The following PDE3B variants were observed in gnomAD, a reference collection of about 807,000 sequenced individuals.
The protein encoded by PDE3B is cGMP-inhibited 3',5'-cyclic phosphodiesterase 3B.
A neutral mutation model predicts 116.8 loss-of-function variants in PDE3B; 66 were observed. The observed-to-expected ratio is 0.56, with a 90% CI of 0.46 to 0.69. The LOEUF (loss-of-function observed/expected upper bound fraction) is 0.69. PDE3B is among the 30% of genes least tolerant of loss of function. The pLI is 0.00. For missense variants in PDE3B, 1,384 were observed against 1,368.1 expected (o/e 1.01, Z -0.18); for synonymous variants, 595 against 533.6 (o/e 1.12, Z -1.59).
intron 1 of PDE3B, among the ~76,000 whole-genome samples, chr11:14,666,124 C>T (rs879712447): frequency 3.2e-4 from 47 of 148,804 alleles, no homozygotes; most frequent in Non-Finnish European, 4.4e-4. Flanking sequence ...TCAGAAATAA[C>T]GCCGCATATC....
In PDE3B at chr11:14,701,984, A is replaced by G. The variant is rs536371073; in HGVS notation, c.978+56931A>G. Among the ~76,000 whole-genome samples the G allele has an allele frequency of 2.3e-4, 34 of 151,108 alleles. 1 individual carries two copies. Among genetic ancestry groups the G allele is most frequent in the Non-Finnish European group, 8.9e-5 (6 of 67,536 alleles). ...TTTTTACTTTTTAATTTTTGGGGAAAAATTCATGTGTGTGTTTTTTTTTCT... is the reference window on the plus strand; with the variant it reads ...TTTTTACTTTTTAATTTTTGGGGAAGAATTCATGTGTGTGTTTTTTTTTCT... On this transcript the variant is annotated intron_variant, in intron 1 of 15. Transcript: ENST00000282096.
chr11:14,862,301 G>T lies in PDE3B; in HGVS notation c.2886+935G>T, dbSNP rs1847966139. Among the ~76,000 whole-genome samples the T allele has an allele frequency of 1.3e-5, 2 of 152,160 alleles. 1 individual carries two copies. The highest frequency in any genetic ancestry group is 4.1e-4 in the South Asian group (2 of 4,826). On this transcript the variant is annotated intron_variant, in intron 14 of 15. Coordinates refer to ENST00000282096, the MANE Select transcript of PDE3B (RefSeq NM_000922.4). ...TCTGCCTGACTACTTTCTATAACAAGTCTAGACTACATTATGATTCCAAGG... is the reference window on the plus strand; with the variant it reads ...TCTGCCTGACTACTTTCTATAACAATTCTAGACTACATTATGATTCCAAGG...
At chr11:14,645,176 C>A (rs1430141493) in intron 1 of PDE3B, 123 bp downstream of exon 1, 2 of 47,734 alleles carry the variant, frequency 4.2e-5, no homozygotes, top group African/African-American at 1.0e-4. Context: ...GGGTGTGTTG[C>A]GGGGGGGGGG....
chr11:14,830,928 C>A, intron 8 of PDE3B, 82 bp downstream of exon 8: 1 of 948,998 alleles, frequency 1.1e-6, no homozygotes, highest in Non-Finnish European at 1.4e-6. Context: ...TTGCCCAGAA[C>A]AAGATTTTTA....
intron 4 of PDE3B, among the ~76,000 whole-genome samples, chr11:14,796,135 C>A (rs921012134): frequency 7.0e-4 from 106 of 152,196 alleles, no homozygotes; most frequent in African/African-American, 2.3e-3. Flanking sequence ...GTTTGGTTTT[C>A]TGTTCTTGTG....
chr11:14,788,959 G>A (rs1858300919), intron 3 of PDE3B, 147 bp from the exon 4 acceptor site: 2 of 506,016 alleles, frequency 4.0e-6, no homozygotes, highest in Non-Finnish European at 6.6e-6. Context: ...GGAGTAAATT[G>A]ACAGATTTTC....
At chr11:14,715,157 G>A (rs1855839290) in intron 1 of PDE3B, among the ~76,000 whole-genome samples, 2 of 152,186 alleles carry the variant, frequency 1.3e-5, no homozygotes, top group Admixed American at 1.3e-4. Context: ...AATGAAGTGA[G>A]AAGAGAAGCA....
the PDE3B span, among the ~76,000 whole-genome samples, chr11:14,888,922 T>C: frequency 1.6e-4 from 25 of 152,332 alleles, no homozygotes; most frequent in Middle Eastern, 6.8e-3. Flanking sequence ...GGAATGCCTC[T>C]TGAAATCTAG....
chr11:14,863,335 C>T (rs533831290), intron 14 of PDE3B, among the ~76,000 whole-genome samples: 18 of 152,316 alleles, frequency 1.2e-4, no homozygotes, highest in Admixed American at 2.6e-4. Context: ...TATTTCTCCA[C>T]ATCCTCTCCA....
At chr11:14,736,562 A>C (rs1856606899) in intron 1 of PDE3B, among the ~76,000 whole-genome samples, 1 of 152,248 alleles carries the variant, frequency 6.6e-6, no homozygotes, top group Non-Finnish European at 1.5e-5. Flanking sequence ...AGATTAAAGA[A>C]GATTATAGAA....
At chr11:14,695,509 T>C (rs887642602) in intron 1 of PDE3B, among the ~76,000 whole-genome samples, 5 of 152,172 alleles carry the variant, frequency 3.3e-5, no homozygotes, top group African/African-American at 1.2e-4. Context: ...TATGTATTTT[T>C]AAAATAATTA....
intron 12 of PDE3B, among the ~76,000 whole-genome samples, chr11:14,855,468 A>C (rs1188466529): frequency 6.6e-6 from 1 of 152,204 alleles, no homozygotes; most frequent in Non-Finnish European, 1.5e-5. Flanking sequence ...AAGTCTCTAA[A>C]ATTCTAGGGG....
intron 7 of PDE3B, among the ~76,000 whole-genome samples, chr11:14,827,827 T>C: frequency 6.6e-6 from 1 of 152,140 alleles, no homozygotes. Context: ...TTAAAATTCA[T>C]ATGGAACCAA....
At chr11:14,728,191 C>G (rs1856365995) in intron 1 of PDE3B, among the ~76,000 whole-genome samples, 1 of 151,966 alleles carries the variant, frequency 6.6e-6, no homozygotes, top group South Asian at 2.1e-4. Flanking sequence ...TTTAAACAAG[C>G]TCTTTCATTT....
At chr11:14,866,795 A>G (rs1412682324) in intron 14 of PDE3B, among the ~76,000 whole-genome samples, 3 of 152,130 alleles carry the variant, frequency 2.0e-5, no homozygotes, top group African/African-American at 7.2e-5. Context: ...CTTTATATTA[A>G]TATTTCCTTT....
At chr11:14,778,521 C>T (rs923297164) in intron 2 of PDE3B, among the ~76,000 whole-genome samples, 4 of 152,222 alleles carry the variant, frequency 2.6e-5, no homozygotes, top group Non-Finnish European at 4.4e-5. Context: ...ATTTGCAGTT[C>T]TGCAGTCTGC....
intron 7 of PDE3B, among the ~76,000 whole-genome samples, chr11:14,820,077 A>C (rs1054173992): frequency 5.9e-5 from 9 of 152,156 alleles, no homozygotes; most frequent in Admixed American, 2.6e-4. Context: ...ATCCCTTTAC[A>C]TACCATAAAA....
intron 9 of PDE3B, 61 bp downstream of exon 9, chr11:14,831,838 A>G: frequency 4.8e-6 from 6 of 1,239,606 alleles, no homozygotes; most frequent in Non-Finnish European, 6.9e-6. Context: ...CTTTATAAAA[A>G]GCAAAATCTA....
intron 1 of PDE3B, among the ~76,000 whole-genome samples, chr11:14,734,816 T>G (rs1054751379): frequency 1.3e-5 from 2 of 152,178 alleles, no homozygotes; most frequent in African/African-American, 4.8e-5. Context: ...TTGAAGCTGT[T>G]TTTGAGAATA....
Sources: allele counts gnomAD v4.1 joint callset (sites outside exome capture counted in the v4.1 genomes callset), GRCh38; gene constraint gnomAD v4.1.1; transcripts MANE v1.5; gene names NCBI Gene and HGNC (gene_info 2026-07-23, HGNC 2026-07-21).